CSMD1: variants seen among roughly 807,000 people sequenced by gnomAD.
The protein encoded by CSMD1 is CUB and Sushi multiple domains 1, also known as CUB and sushi domain-containing protein 1.
In CSMD1, 213 loss-of-function variants were observed where a neutral mutation model predicts 417.5. The observed-to-expected ratio is 0.51, with a 90% CI of 0.46 to 0.57. The LOEUF (loss-of-function observed/expected upper bound fraction) is 0.57, where lower values mean the gene tolerates loss of function less well. Among genes scored for constraint, CSMD1 ranks in the 20% least tolerant of loss-of-function variants. CSMD1 has a pLI of 0.00. For synonymous variants in CSMD1, 2,862 were observed against 1,736.8 expected (o/e 1.65, Z -16.11); for missense variants, 6,923 against 4,529.7 (o/e 1.53, Z -15.17).
intron 1 of CSMD1, among the ~76,000 whole-genome samples, chr8:4,796,017 G>T (rs1031420739): frequency 6.6e-6 from 1 of 152,084 alleles, no homozygotes; most frequent in East Asian, 1.9e-4. Flanking sequence ...ATACAGCTAA[G>T]GGCAAGGCTT....
intron 3 of CSMD1, among the ~76,000 whole-genome samples, chr8:4,263,204 T>C (rs1483213486): frequency 6.6e-6 from 1 of 152,120 alleles, no homozygotes; most frequent in Non-Finnish European, 1.5e-5. Context: ...TATTCTAGTA[T>C]TCGAGGGCTA....
chr8:3,502,263 G>A lies in CSMD1; in HGVS notation c.1345-8537C>T, dbSNP rs1263778321. 2.6e-5 allele frequency among the ~76,000 whole-genome samples: 4 copies of A among 151,680 alleles called. No individual in the cohort carries two copies. In the South Asian group the frequency reaches 6.3e-4, roughly 24 times the overall value. ...GCCTGTAGTCCCAGCTACTCGGGAG[G>A]CTGAGGCAGGAGACTGACGCGAACC... On this transcript the variant is annotated intron_variant, in intron 10 of 69. Coordinates refer to ENST00000635120, the MANE Select transcript of CSMD1 (RefSeq NM_033225.6).
chr8:4,767,284 A>G (rs1480420734), intron 1 of CSMD1, among the ~76,000 whole-genome samples: 1 of 152,202 alleles, frequency 6.6e-6, no homozygotes, highest in East Asian at 1.9e-4. Flanking sequence ...CAATTAAAAC[A>G]AGTAGAGTTG....
At chr8:4,983,855 T>C (rs1811030581) in intron 1 of CSMD1, among the ~76,000 whole-genome samples, 1 of 150,536 alleles carries the variant, frequency 6.6e-6, no homozygotes, top group African/African-American at 2.5e-5. Context: ...GAACTAGAAG[T>C]GGACTCAAAG....
chr8:4,129,323 C>A (rs1367456090), intron 3 of CSMD1, among the ~76,000 whole-genome samples: 1 of 152,062 alleles, frequency 6.6e-6, no homozygotes, highest in Non-Finnish European at 1.5e-5. Flanking sequence ...TCATGTGGAG[C>A]CTGGGAATTC....
chr8:3,000,630 T>A (rs183527832), intron 52 of CSMD1, among the ~76,000 whole-genome samples: 11 of 152,246 alleles, frequency 7.2e-5, no homozygotes, highest in Admixed American at 7.2e-4. Flanking sequence ...CAATTTCAAT[T>A]ATGAAAATCT....
At chr8:4,417,630 C>A (rs1006529857) in intron 3 of CSMD1, among the ~76,000 whole-genome samples, 6 of 151,824 alleles carry the variant, frequency 4.0e-5, no homozygotes, top group Admixed American at 3.9e-4. Context: ...TTGACTCATA[C>A]CAATTACTTG....
At chr8:2,957,626 T>C (rs185879587) in intron 63 of CSMD1, 70 bp downstream of exon 63, 301 of 999,340 alleles carry the variant, frequency 3.0e-4, no homozygotes, top group Non-Finnish European at 4.3e-4. Context: ...TTTCCCTTAG[T>C]GGTAAACACG....
intron 10 of CSMD1, among the ~76,000 whole-genome samples, chr8:3,514,583 A>G (rs1045458386): frequency 7.2e-5 from 11 of 152,292 alleles, no homozygotes; most frequent in Non-Finnish European, 1.2e-4. Flanking sequence ...CCTAAATTCT[A>G]TATTTAAGTG....
chr8:4,055,668 T>A (rs1001690168), intron 3 of CSMD1, among the ~76,000 whole-genome samples: 1 of 152,098 alleles, frequency 6.6e-6, no homozygotes, highest in Non-Finnish European at 1.5e-5. Context: ...TAATTATAAA[T>A]GCCACCAAAG....
chr8:3,091,013 T>C (rs1814905339), intron 48 of CSMD1, among the ~76,000 whole-genome samples: 1 of 152,098 alleles, frequency 6.6e-6, no homozygotes, highest in Non-Finnish European at 1.5e-5. Context: ...TGATGAGGAA[T>C]ATATATTAAA....
chr8:3,892,267 C>A (rs984649185), intron 5 of CSMD1, among the ~76,000 whole-genome samples: 1 of 152,148 alleles, frequency 6.6e-6, no homozygotes, highest in Non-Finnish European at 1.5e-5. Context: ...ATTCAATAAT[C>A]CAGCACAAAG....
intron 54 of CSMD1, among the ~76,000 whole-genome samples, chr8:2,987,589 T>C (rs1806033262): frequency 6.6e-6 from 1 of 152,184 alleles, no homozygotes; most frequent in Non-Finnish European, 1.5e-5. Flanking sequence ...CTCACAATTT[T>C]TGCTGTAAGG....
intron 3 of CSMD1, among the ~76,000 whole-genome samples, chr8:4,249,513 C>T (rs1475849341): frequency 6.6e-6 from 1 of 152,154 alleles, no homozygotes; most frequent in Non-Finnish European, 1.5e-5. Context: ...ATGTAGAGAG[C>T]TCCTCTACTG....
intron 3 of CSMD1, among the ~76,000 whole-genome samples, chr8:4,035,545 G>C (rs7006850): frequency 5.9e-5 from 9 of 152,160 alleles, no homozygotes; most frequent in African/African-American, 1.7e-4. Context: ...AGGTGGAAGA[G>C]ATGACCCCGT....
In CSMD1 at chr8:3,117,961, A is replaced by G. The variant is rs1363346287; in HGVS notation, c.6430+438T>C. The stretch of plus-strand genomic sequence containing the variant: ...ATGAGCTCATTTTTCTGAAATGCAA[A>G]ATCAATATGAAATTATTATAAAAGC... On this transcript the variant is annotated intron_variant, in intron 42 of 69. Transcript: ENST00000635120. Among the ~76,000 whole-genome samples the G allele has an allele frequency of 2.6e-5, 4 of 152,212 alleles. No individual in the cohort carries two copies. In the East Asian group the frequency reaches 5.8e-4, roughly 22 times the overall value.
At chr8:4,610,078 G>T (rs779435275) in intron 2 of CSMD1, among the ~76,000 whole-genome samples, 1 of 151,376 alleles carries the variant, frequency 6.6e-6, no homozygotes, top group South Asian at 2.1e-4. Context: ...TTGCTATAAG[G>T]ATGCTCCCCT....
At chr8:4,175,433 G>C (rs562568752) in intron 3 of CSMD1, among the ~76,000 whole-genome samples, 6 of 151,652 alleles carry the variant, frequency 4.0e-5, no homozygotes, top group Non-Finnish European at 7.4e-5. Flanking sequence ...ATATGTTTAA[G>C]TAATTGACAT....
At chr8:4,456,988 A>ATTTT (rs1799529105) in intron 2 of CSMD1, among the ~76,000 whole-genome samples, 1 of 147,910 alleles carries the variant, frequency 6.8e-6, no homozygotes, top group South Asian at 2.2e-4. Flanking sequence ...TTTTTTTTAA[A>ATTTT]AAAAAAAAAA....
Sources: allele counts gnomAD v4.1 joint callset (sites outside exome capture counted in the v4.1 genomes callset), GRCh38; gene constraint gnomAD v4.1.1; transcripts MANE v1.5; gene names NCBI Gene and HGNC (gene_info 2026-07-23, HGNC 2026-07-21).